The following CNRIP1 variants were observed in gnomAD, a reference collection of about 807,000 sequenced individuals.
The protein encoded by CNRIP1 is cannabinoid receptor interacting protein 1.
Under a neutral mutation model 15.2 loss-of-function variants are expected in CNRIP1, and 10 were observed. The ratio of observed to expected loss-of-function variants is 0.66; its 90% confidence interval spans 0.41 to 1.12. The LOEUF is 1.12. Among genes scored for constraint, CNRIP1 ranks in the 50% most tolerant of loss-of-function variants. CNRIP1 has a pLI of 0.00. For missense variants in CNRIP1, 211 were observed against 214.7 expected, an observed-to-expected ratio of 0.98 and a Z score of 0.11; for synonymous variants, 91 against 83.2, an observed-to-expected ratio of 1.09 and a Z score of -0.51.
At chr2:68,318,261 C>G (rs1440839469) in intron 1 of CNRIP1, among the ~76,000 whole-genome samples, 2 of 152,076 alleles carry the variant, frequency 1.3e-5, no homozygotes, top group Non-Finnish European at 2.9e-5. Context: ...AAAACGTAAG[C>G]TATAAGTAGT....
intron 2 of CNRIP1, among the ~76,000 whole-genome samples, chr2:68,297,514 G>T (rs1013050538): frequency 2.1e-5 from 3 of 142,362 alleles, no homozygotes; most frequent in Non-Finnish European, 4.5e-5. Context: ...GTTGCAGTGA[G>T]CTGAGATCTT....
chr2:68,316,103 A>G (rs1361618561), intron 2 of CNRIP1: 4 of 152,066 alleles, frequency 2.6e-5, no homozygotes, highest in Admixed American at 2.0e-4. Context: ...TTATGTGACT[A>G]TTGTGGTTTT....
At chr2:68,298,099 C>G (rs187394539) in intron 2 of CNRIP1, among the ~76,000 whole-genome samples, 1 of 152,058 alleles carries the variant, frequency 6.6e-6, no homozygotes, top group African/African-American at 2.4e-5. Context: ...TATGTACATT[C>G]TAATGAAATT....
intron 2 of CNRIP1, among the ~76,000 whole-genome samples, chr2:68,315,334 A>C (rs1672232291): frequency 6.6e-6 from 1 of 152,212 alleles, no homozygotes; most frequent in Non-Finnish European, 1.5e-5. Flanking sequence ...CCTAGTGCAG[A>C]GAGAAATGGA....
At chr2:68,289,474 T>C (rs576499049), downstream of CNRIP1, among the ~76,000 whole-genome samples, 13 of 152,228 alleles carry the variant, frequency 8.5e-5, no homozygotes, top group South Asian at 4.1e-4. Flanking sequence ...AATGTATCGC[T>C]CCTTTTCTTT....
In CNRIP1 at chr2:68,293,177, T is replaced by C. The variant is rs1340196794; in HGVS notation, c.*685A>G. 2 of 985,496 alleles carry C rather than the reference T, an allele frequency of 2.0e-6. No individual in the cohort carries two copies. The highest frequency in any genetic ancestry group is 2.4e-6 in the Non-Finnish European group (2 of 829,952). 61.0% of individuals were successfully genotyped at this position (985,496 alleles called of 1,614,324 possible). A position where few individuals can be genotyped will look rare whatever the true frequency, so the allele number is the denominator to read the frequency against. ...CCTACAACTCCTGTCACTTTAACAA[T>C]GGTCCACAGCAATGCTTTTCCCCCA... On this transcript the variant is annotated 3_prime_UTR_variant, in exon 3 of 3. Transcript: ENST00000263655.
chr2:68,293,037 A>G lies in CNRIP1; in HGVS notation c.*825T>C, dbSNP rs1671217162. ...ATTTTCAACGCCTTTATTAAGAAAT[A>G]TCAAAAGTTGATTACAGGTCCATAT... On this transcript the variant is annotated 3_prime_UTR_variant, in exon 3 of 3. Coordinates refer to ENST00000263655, the MANE Select transcript of CNRIP1 (RefSeq NM_015463.3). The G allele has an allele frequency of 1.0e-6, 1 of 985,346 alleles. No individual in the cohort carries two copies. The highest frequency in any genetic ancestry group is 1.2e-6 in the Non-Finnish European group (1 of 829,942). 61.0% of individuals were successfully genotyped at this position (985,346 alleles called of 1,614,324 possible).
At chr2:68,313,850 G>A (rs2103686234) in intron 2 of CNRIP1, among the ~76,000 whole-genome samples, 1 of 152,114 alleles carries the variant, frequency 6.6e-6, no homozygotes, top group African/African-American at 2.4e-5. Flanking sequence ...TGGCAAAAAG[G>A]TTCTATATCA....
intron 2 of CNRIP1, among the ~76,000 whole-genome samples, chr2:68,314,511 A>C (rs1672201848): frequency 6.6e-6 from 1 of 152,044 alleles, no homozygotes; most frequent in African/African-American, 2.4e-5. Context: ...ATTATTCTAG[A>C]AACATTAGAC....
intron 2 of CNRIP1, among the ~76,000 whole-genome samples, chr2:68,302,346 C>A (rs1170728111): frequency 1.3e-5 from 2 of 152,292 alleles, no homozygotes; most frequent in Admixed American, 6.5e-5. Flanking sequence ...TACCTCCCTG[C>A]CTTCTTCCTC....
intron 2 of CNRIP1, among the ~76,000 whole-genome samples, chr2:68,306,152 T>A (rs1311884168): frequency 2.6e-3 from 88 of 33,566 alleles, no homozygotes; most frequent in Middle Eastern, 0.025. Context: ...AAAAAAAAAA[T>A]TAGCTGGGTG....
downstream of CNRIP1, among the ~76,000 whole-genome samples, chr2:68,288,547 A>G (rs1671087986): frequency 6.6e-6 from 1 of 152,208 alleles, no homozygotes; most frequent in Non-Finnish European, 1.5e-5. Context: ...GAAATGAAAT[A>G]CCCTACTTGT....
intron 2 of CNRIP1, among the ~76,000 whole-genome samples, chr2:68,314,571 C>A (rs1224065039): frequency 6.6e-6 from 1 of 151,804 alleles, no homozygotes; most frequent in Non-Finnish European, 1.5e-5. Context: ...AGATTCTGAC[C>A]ATCTATATGA....
chr2:68,305,407 A>G (rs1671796213), intron 2 of CNRIP1, among the ~76,000 whole-genome samples: 1 of 151,546 alleles, frequency 6.6e-6, no homozygotes, highest in South Asian at 2.1e-4. Context: ...AGTAAATCCA[A>G]TCAATTAATT....
At chr2:68,302,497 TGA>T (rs1671648636) in intron 2 of CNRIP1, among the ~76,000 whole-genome samples, 1 of 152,220 alleles carries the variant, frequency 6.6e-6, no homozygotes, top group Non-Finnish European at 1.5e-5. Context: ...AAATGGGGTT[TGA>T]GAGGCATAAA....
chr2:68,291,364 G>A (rs138014842), downstream of CNRIP1, among the ~76,000 whole-genome samples: 2 of 151,886 alleles, frequency 1.3e-5, no homozygotes, highest in African/African-American at 4.8e-5. Context: ...AATTCTACTA[G>A]TCTAACCCTT....
chr2:68,284,345 C>T (rs1374174769), exon 3 of CNRIP1: 5 of 857,558 alleles, frequency 5.8e-6, no homozygotes, highest in Non-Finnish European at 8.4e-6. Context: ...GTGAGAAGCC[C>T]TCCCCTAGAA....
At chr2:68,318,876 T>C (rs1025199248) in intron 1 of CNRIP1, among the ~76,000 whole-genome samples, 1 of 152,136 alleles carries the variant, frequency 6.6e-6, no homozygotes, top group Non-Finnish European at 1.5e-5. Flanking sequence ...ACCTCTCCCA[T>C]CTGCTCCACC....
chr2:68,308,619 A>C (rs374035837), intron 2 of CNRIP1, among the ~76,000 whole-genome samples: 4 of 152,194 alleles, frequency 2.6e-5, no homozygotes, highest in African/African-American at 9.7e-5. Flanking sequence ...GAATTTAAGA[A>C]GGTATTTAGC....
Sources: gnomAD v4.1 joint callset for allele counts (sites outside exome capture counted in the v4.1 genomes callset) on GRCh38, gnomAD v4.1.1 for gene constraint, MANE v1.5 for transcripts, NCBI Gene and HGNC (gene_info 2026-07-23, HGNC 2026-07-21) for gene names.